Variants in ZCRB1 observed in about 807,000 individuals in gnomAD.
ZCRB1 encodes zinc finger CCHC-type and RNA-binding motif-containing protein 1.
A neutral mutation model predicts 29.9 loss-of-function variants in ZCRB1; 21 were observed. The observed-to-expected ratio is 0.70, with a 90% CI of 0.50 to 1.01. ZCRB1 has a LOEUF of 1.01. Ranked by LOEUF, ZCRB1 falls within the 50% of genes least tolerant of loss-of-function variation. The pLI is 0.00. For missense variants in ZCRB1, 204 were observed against 253.3 expected (o/e 0.81, Z 1.32); for synonymous variants, 77 against 80.0 (o/e 0.96, Z 0.20).
intron 3 of ZCRB1, among the ~76,000 whole-genome samples, chr12:42,319,285 T>A (rs1240792333): frequency 2.0e-5 from 3 of 152,196 alleles, no homozygotes; most frequent in Non-Finnish European, 4.4e-5. Context: ...TTTATGGTAA[T>A]TTTTTCTCTT....
rs748335785 is a variant in ZCRB1, at chr12:42,324,002, C to T, written c.84+17G>A. The stretch of plus-strand genomic sequence containing the variant: ...ATCTGTATCTCAAATAGCAGTCACT[C>T]GATAAGATTTACTTACCCGGTACAA... On this transcript the variant is annotated intron_variant, in intron 2 of 7. Coordinates refer to ENST00000266529, the MANE Select transcript of ZCRB1 (RefSeq NM_033114.4). 8.1e-6 allele frequency: 13 copies of T among 1,601,654 alleles called. No individual in the cohort carries two copies. The highest frequency in any genetic ancestry group is 4.4e-5 in the South Asian group (4 of 90,790).
chr12:42,324,172 G>C (rs963989047), intron 1 of ZCRB1, 68 bp from the exon 2 acceptor site: 4 of 1,455,876 alleles, frequency 2.7e-6, no homozygotes, highest in Non-Finnish European at 3.8e-6. Flanking sequence ...GTTTGAGACG[G>C]AGTTTCCCTC....
chr12:42,319,865 T>A (rs1023820263), intron 3 of ZCRB1, among the ~76,000 whole-genome samples: 1 of 152,188 alleles, frequency 6.6e-6, no homozygotes, highest in Admixed American at 6.5e-5. Context: ...AAGAGTACAT[T>A]GTGTGTGTTC....
chr12:42,320,969 T>A (rs1366910731), intron 3 of ZCRB1, among the ~76,000 whole-genome samples: 2 of 152,172 alleles, frequency 1.3e-5, no homozygotes, highest in African/African-American at 4.8e-5. Flanking sequence ...CTCACTCATC[T>A]CCAGTCACAT....
In ZCRB1 at chr12:42,313,977, G is replaced by T. The variant is rs766562729; in HGVS notation, c.343C>A (p.His115Asn). Residue 115 changes from histidine (H) to asparagine (N), a missense_variant, in exon 6 of 8, where the codon CAC becomes AAC. Transcript: ENST00000266529. ...SKCYECGESG[H>N]LSYACPKNML... The stretch of plus-strand genomic sequence containing the variant: ...TTTTTCGGACAGGCATAACTTAAGT[G>T]TCCACTTTCCTTTTGTTTCCCATTA... 1 of 1,587,632 alleles carries T rather than the reference G, an allele frequency of 6.3e-7. No homozygotes were observed. Among genetic ancestry groups the T allele is most frequent in the South Asian group, 1.2e-5 (1 of 84,220 alleles).
At chr12:42,323,894 G>T in intron 2 of ZCRB1, 125 bp downstream of exon 2, 1 of 843,838 alleles carries the variant, frequency 1.2e-6, no homozygotes, top group Non-Finnish European at 1.9e-6. Context: ...TCGTGCCTCA[G>T]TGACAGAATT....
chr12:42,316,841 C>CT (rs1433258538), intron 5 of ZCRB1, among the ~76,000 whole-genome samples: 1 of 152,178 alleles, frequency 6.6e-6, no homozygotes, highest in African/African-American at 2.4e-5. Context: ...GAAAATACCA[C>CT]TTTGTATTAC....
chr12:42,318,987 C>T (rs1327438324), intron 3 of ZCRB1, among the ~76,000 whole-genome samples: 4 of 152,136 alleles, frequency 2.6e-5, no homozygotes, highest in African/African-American at 7.2e-5. Context: ...TTGCTTACAA[C>T]AGAATGCCAA....
intron 5 of ZCRB1, among the ~76,000 whole-genome samples, chr12:42,315,676 C>T (rs927467111): frequency 7.9e-5 from 12 of 151,806 alleles, no homozygotes; most frequent in African/African-American, 1.7e-4. Flanking sequence ...CAAAAGGAAC[C>T]GATTAACAGA....
chr12:42,313,887 G>T lies in ZCRB1; in HGVS notation c.433C>A (p.Pro145Thr). The change falls in exon 6 of 8, where the codon CCA (proline) becomes ACA (threonine). Residue 145 changes from proline to threonine, a missense_variant. Transcript: ENST00000266529. ...EKKKKKKAPE[P>T]EEEIEEVEES... ...TAATATACATACATTTCTTCTTCTG[G>T]TTCAGGAGCTTTCTTTTTTTTCTTT... 1 of 1,600,056 alleles carries T rather than the reference G, an allele frequency of 6.2e-7. No individual in the cohort carries two copies. Among genetic ancestry groups the T allele is most frequent in the Non-Finnish European group, 8.5e-7 (1 of 1,176,910 alleles).
intron 3 of ZCRB1, among the ~76,000 whole-genome samples, chr12:42,319,120 GTCTTTTT>G (rs1257262699): frequency 1.3e-5 from 2 of 152,072 alleles, no homozygotes; most frequent in Non-Finnish European, 2.9e-5. Context: ...AAAGTTATCA[GTCTTTTT>G]TTTTAAAGTA....
intron 4 of ZCRB1, 42 bp downstream of exon 4, chr12:42,317,745 A>T (rs368470866): frequency 1.3e-6 from 2 of 1,578,766 alleles, no homozygotes; most frequent in Non-Finnish European, 1.7e-6. Flanking sequence ...ATGAGCATAA[A>T]GGCTTTGGGG....
At chr12:42,325,192 T>C (rs2068682836) in intron 1 of ZCRB1, among the ~76,000 whole-genome samples, 2 of 152,248 alleles carry the variant, frequency 1.3e-5, no homozygotes, top group South Asian at 2.1e-4. Context: ...ATGTGGTTTG[T>C]TGTTAATCAA....
chr12:42,320,837 A>G (rs1211256765), intron 3 of ZCRB1, among the ~76,000 whole-genome samples: 2 of 152,196 alleles, frequency 1.3e-5, no homozygotes, highest in Admixed American at 1.3e-4. Context: ...CCCTCACTTA[A>G]AATTCTTAAA....
chr12:42,319,852 TAA>T (rs989316082), intron 3 of ZCRB1, among the ~76,000 whole-genome samples: 4 of 152,234 alleles, frequency 2.6e-5, no homozygotes, highest in Non-Finnish European at 5.9e-5. Flanking sequence ...AAGTAGTTTC[TAA>T]AAGAGTACAT....
At chr12:42,322,687 A>C (rs1036897824) in intron 2 of ZCRB1, among the ~76,000 whole-genome samples, 1 of 152,044 alleles carries the variant, frequency 6.6e-6, no homozygotes, top group Non-Finnish European at 1.5e-5. Flanking sequence ...AGAGAAAAAA[A>C]CTCACTCTAC....
At chr12:42,316,671 G>A (rs1283276261) in intron 5 of ZCRB1, among the ~76,000 whole-genome samples, 1 of 152,178 alleles carries the variant, frequency 6.6e-6, no homozygotes, top group Non-Finnish European at 1.5e-5. Context: ...AAAGTCACAT[G>A]ATAATGTTGC....
chr12:42,317,934 C>A (rs1247785981), intron 3 of ZCRB1, 36 bp from the exon 4 acceptor site: 13 of 1,537,882 alleles, frequency 8.5e-6, no homozygotes, highest in Non-Finnish European at 1.2e-5. Flanking sequence ...AATGAGGCAG[C>A]AATAAATAAA....
intron 4 of ZCRB1, 126 bp downstream of exon 4, chr12:42,317,661 A>T: frequency 1.2e-6 from 1 of 868,340 alleles, no homozygotes. Flanking sequence ...TCTTTCTATA[A>T]GTTAGATATC....
Sources: allele counts gnomAD v4.1 joint callset (sites outside exome capture counted in the v4.1 genomes callset), GRCh38; gene constraint gnomAD v4.1.1; transcripts MANE v1.5; gene names NCBI Gene and HGNC (gene_info 2026-07-23, HGNC 2026-07-21).